Variants in MANBA observed in about 807,000 individuals in gnomAD.
MANBA encodes the protein mannosidase beta.
Under a neutral mutation model 111.1 loss-of-function variants are expected in MANBA, and 83 were observed. The ratio of observed to expected loss-of-function variants is 0.75; its 90% CI spans 0.63 to 0.90. The LOEUF (loss-of-function observed/expected upper bound fraction) is 0.90, where lower values mean the gene tolerates loss of function less well. Among genes scored for constraint, MANBA ranks in the 40% least tolerant of loss-of-function variants. The pLI is 0.00. For missense variants in MANBA, 1,036 were observed against 1,069.0 expected (o/e 0.97, Z 0.43); for synonymous variants, 370 against 378.7 (o/e 0.98, Z 0.27).
intron 15 of MANBA, among the ~76,000 whole-genome samples, 178 bp from the exon 16 acceptor site, chr4:102,635,223 C>A (rs776432931): frequency 2.6e-5 from 4 of 152,116 alleles, no homozygotes; most frequent in Non-Finnish European, 5.9e-5. Flanking sequence ...ACTTCTCAGT[C>A]TTCATTTCTT....
chr4:102,700,779 C>G (rs1051624342), intron 5 of MANBA, among the ~76,000 whole-genome samples: 2 of 151,960 alleles, frequency 1.3e-5, no homozygotes, highest in African/African-American at 4.8e-5. Flanking sequence ...TTACTTCCAA[C>G]TATGTGGTCA....
At chr4:102,711,101 A>G (rs1034154200) in intron 5 of MANBA, among the ~76,000 whole-genome samples, 6 of 152,170 alleles carry the variant, frequency 3.9e-5, no homozygotes, top group Non-Finnish European at 8.8e-5. Flanking sequence ...GATAACAAAC[A>G]TAAACATAGA....
chr4:102,718,765 A>G (rs1361787522), intron 4 of MANBA, among the ~76,000 whole-genome samples: 1 of 152,224 alleles, frequency 6.6e-6, no homozygotes, highest in Admixed American at 6.5e-5. Flanking sequence ...AGAAATAAAC[A>G]GAAAGAGTAC....
chr4:102,733,799 T>C (rs1723113605), intron 1 of MANBA, among the ~76,000 whole-genome samples: 1 of 152,244 alleles, frequency 6.6e-6, no homozygotes, highest in Non-Finnish European at 1.5e-5. Context: ...AAGTGCTCAC[T>C]GTATTTTGTA....
At chr4:102,698,176 G>A (rs1438692358) in intron 5 of MANBA, among the ~76,000 whole-genome samples, 2 of 152,118 alleles carry the variant, frequency 1.3e-5, no homozygotes, top group African/African-American at 4.8e-5. Flanking sequence ...GTCTGTTCAT[G>A]TCCTTTGCCC....
chr4:102,637,603 C>T (rs1460965156), intron 14 of MANBA, among the ~76,000 whole-genome samples: 1 of 152,202 alleles, frequency 6.6e-6, no homozygotes, highest in Non-Finnish European at 1.5e-5. Context: ...CAAAGAACTT[C>T]CACATAGCTG....
intron 1 of MANBA, among the ~76,000 whole-genome samples, chr4:102,742,624 C>A (rs1432673375): frequency 6.6e-6 from 1 of 152,158 alleles, no homozygotes; most frequent in Non-Finnish European, 1.5e-5. Flanking sequence ...TGCCACACTT[C>A]TTTAGCTGTA....
In MANBA at chr4:102,651,011, T is replaced by C. The variant is rs935509470; in HGVS notation, c.1705-310A>G. Reference sequence around the variant, plus strand: ...AAACATATTCCTGGTTTTTGAAACATCCACTATATGTATTTTTAAATATCA... The same window carrying C: ...AAACATATTCCTGGTTTTTGAAACACCCACTATATGTATTTTTAAATATCA... On this transcript the variant is annotated intron_variant, in intron 12 of 16. Transcript: ENST00000647097. Among the ~76,000 whole-genome samples, 5 of 152,110 alleles carry C rather than the reference T, an allele frequency of 3.3e-5. No homozygotes were observed. The South Asian group carries it at 6.2e-4, about 19-fold the overall frequency.
At chr4:102,684,151 AGAG>A (rs1732105415) in intron 7 of MANBA, among the ~76,000 whole-genome samples, 1 of 152,206 alleles carries the variant, frequency 6.6e-6, no homozygotes, top group Non-Finnish European at 1.5e-5. Flanking sequence ...GCTCAGTGGA[AGAG>A]GAGAGGCATG....
At chr4:102,653,131 T>C (rs1390840467) in intron 12 of MANBA, among the ~76,000 whole-genome samples, 3 of 152,116 alleles carry the variant, frequency 2.0e-5, no homozygotes, top group African/African-American at 4.8e-5. Flanking sequence ...TCATGGGCTC[T>C]CACTGTGTCA....
intron 7 of MANBA, among the ~76,000 whole-genome samples, chr4:102,679,926 TAA>T (rs201793469): frequency 7.1e-6 from 1 of 139,978 alleles, no homozygotes. Flanking sequence ...CTCTGAGGTA[TAA>T]AAAAAAAAAA....
intron 7 of MANBA, among the ~76,000 whole-genome samples, chr4:102,682,039 C>G (rs112570493): frequency 6.6e-6 from 1 of 150,922 alleles, no homozygotes; most frequent in African/African-American, 2.4e-5. Flanking sequence ...CCCAGCTACT[C>G]AGGAGGCTGA....
At chr4:102,657,090 T>G (rs575347777) in intron 12 of MANBA, among the ~76,000 whole-genome samples, 1 of 152,178 alleles carries the variant, frequency 6.6e-6, no homozygotes, top group African/African-American at 2.4e-5. Flanking sequence ...GTGAATTATA[T>G]CTCAATAAAG....
At chr4:102,742,482 T>G (rs1723439082) in intron 1 of MANBA, among the ~76,000 whole-genome samples, 1 of 152,154 alleles carries the variant, frequency 6.6e-6, no homozygotes, top group Admixed American at 6.5e-5. Context: ...GCCGCAGCCC[T>G]GAAAAGTATT....
At chr4:102,682,468 T>C (rs61216440) in intron 7 of MANBA, among the ~76,000 whole-genome samples, 6,643 of 152,226 alleles carry the variant, frequency 0.044, 471 homozygotes, top group African/African-American at 0.15. Flanking sequence ...AAGGCCCACC[T>C]GGAGAAGTCA....
chr4:102,709,191 A>G (rs146320885), intron 5 of MANBA, among the ~76,000 whole-genome samples: 245 of 151,262 alleles, frequency 1.6e-3, no homozygotes, highest in African/African-American at 5.5e-3. Flanking sequence ...GAGAGGGAGG[A>G]AAAAGGAAAA....
At chr4:102,685,549 T>C (rs1732171284) in intron 7 of MANBA, among the ~76,000 whole-genome samples, 1 of 152,014 alleles carries the variant, frequency 6.6e-6, no homozygotes, top group African/African-American at 2.4e-5. Flanking sequence ...AGTGAATCCA[T>C]CCTCTTCTTA....
intron 1 of MANBA, chr4:102,729,911 C>T (rs1722965903): frequency 1.3e-6 from 2 of 1,520,208 alleles, no homozygotes; most frequent in African/African-American, 2.7e-5. Context: ...CCTGGGTGCG[C>T]ACAGCCTGGA....
chr4:102,725,312 T>C (rs757824647), intron 2 of MANBA, among the ~76,000 whole-genome samples: 8 of 152,308 alleles, frequency 5.3e-5, no homozygotes, highest in Non-Finnish European at 8.8e-5. Context: ...GAGGCATTTC[T>C]ACTCCCCTTA....
Sources: gnomAD v4.1 joint callset for allele counts (sites outside exome capture counted in the v4.1 genomes callset) on GRCh38, gnomAD v4.1.1 for gene constraint, MANE v1.5 for transcripts, NCBI Gene and HGNC (gene_info 2026-07-23, HGNC 2026-07-21) for gene names.